The following ATP5PD variants were observed in gnomAD, a reference collection of about 807,000 sequenced individuals.
The protein encoded by ATP5PD is ATP synthase peripheral stalk subunit d.
In ATP5PD, 13 loss-of-function variants were observed where a neutral mutation model predicts 22.6. The observed-to-expected ratio is 0.58, with a 90% CI of 0.37 to 0.91. The LOEUF is 0.91. Among genes scored for constraint, ATP5PD ranks in the 40% least tolerant of loss-of-function variants. ATP5PD has a pLI of 0.00. For missense variants in ATP5PD, 165 were observed against 188.0 expected, an observed-to-expected ratio of 0.88 and a Z score of 0.72; for synonymous variants, 51 against 65.0, an observed-to-expected ratio of 0.79 and a Z score of 1.03.
At chr17:75,040,226 C>G in intron 3 of ATP5PD, 63 bp from the exon 4 acceptor site, 1 of 1,598,650 alleles carries the variant, frequency 6.3e-7, no homozygotes, top group Non-Finnish European at 8.6e-7. Flanking sequence ...GACAGTGAGT[C>G]GTCGCCAATA....
Position 75,042,656 on chromosome 17 carries a change from G to A in ATP5PD, c.-6C>T. On this transcript the variant is annotated 5_prime_UTR_variant, in exon 2 of 6. Coordinates refer to ENST00000301587, the MANE Select transcript of ATP5PD (RefSeq NM_006356.3). ...GCAAGTTTTCGCCCAGCCATTTTGG[G>A]ATCCTGAAAAATAAGTCAAATAAAA... 1 of 1,591,946 alleles carries A rather than the reference G, an allele frequency of 6.3e-7. No homozygotes were observed. Among genetic ancestry groups the A allele is most frequent in the Non-Finnish European group, 8.5e-7 (1 of 1,174,542 alleles).
At chr17:75,042,435 T>TA in intron 2 of ATP5PD, 94 bp downstream of exon 2, 1 of 1,544,140 alleles carries the variant, frequency 6.5e-7, no homozygotes, top group East Asian at 2.2e-5. Context: ...TATGTTGTCA[T>TA]AAGGGCATCA....
intron 1 of ATP5PD, among the ~76,000 whole-genome samples, chr17:75,043,032 G>A (rs1303571669): frequency 1.3e-5 from 2 of 151,176 alleles, no homozygotes; most frequent in Non-Finnish European, 2.9e-5. Flanking sequence ...GACCAGCATG[G>A]CCAACATGGC....
chr17:75,040,195 G>A (rs772094660), intron 3 of ATP5PD, 32 bp from the exon 4 acceptor site: 11 of 1,611,322 alleles, frequency 6.8e-6, no homozygotes, highest in African/African-American at 5.4e-5. Context: ...AACCTTCAGC[G>A]CATTAAACTA....
intron 3 of ATP5PD, chr17:75,040,412 A>C: frequency 2.1e-6 from 1 of 485,724 alleles, no homozygotes; most frequent in Admixed American, 3.8e-5. Flanking sequence ...AACCCTGGAC[A>C]ATTCTTTATG....
intron 3 of ATP5PD, 147 bp from the exon 4 acceptor site, chr17:75,040,310 G>A (rs556755023): frequency 2.2e-4 from 190 of 882,548 alleles, no homozygotes; most frequent in African/African-American, 1.1e-3. Flanking sequence ...TGTCCCAAGC[G>A]GAAACGAATA....
chr17:75,039,883 CAT>C, intron 4 of ATP5PD: 1 of 595,548 alleles, frequency 1.7e-6, no homozygotes. Context: ...AAGATGGAAT[CAT>C]ATGCTATACT....
At chr17:75,041,805 G>A (rs1163212636) in intron 3 of ATP5PD, 1 of 165,044 alleles carries the variant, frequency 6.1e-6, no homozygotes, top group Non-Finnish European at 1.3e-5. Context: ...GTTCTGGGCT[G>A]TAGCGCGTTA....
At chr17:75,042,037 G>A (rs10512598) in intron 3 of ATP5PD, 144 bp downstream of exon 3, 65,314 of 651,438 alleles carry the variant, frequency 0.1, 8,583 homozygotes, top group East Asian at 0.6. Context: ...CAGTTCAATC[G>A]ACCACAAGGC....
chr17:75,042,166 G>A lies in ATP5PD; in HGVS notation c.219+15C>T, dbSNP rs2073167796. 1 of 1,608,918 alleles carries A rather than the reference G, an allele frequency of 6.2e-7. No individual in the cohort carries two copies. Among genetic ancestry groups the A allele is most frequent in the Non-Finnish European group, 8.5e-7 (1 of 1,175,830 alleles). On this transcript the variant is annotated intron_variant, in intron 3 of 5. Coordinates refer to ENST00000301587, the MANE Select transcript of ATP5PD (RefSeq NM_006356.3). ...CATGTTACAAGCTCAGTGCTTTAGA[G>A]GTGTGAAGTCTCACCTTCTTCTCAA...
rs139761287 is a variant in ATP5PD at position 75,042,537 on chromosome 17, G to A, written c.114C>T (p.Leu38=). 6.8e-6 allele frequency: 11 copies of A among 1,611,958 alleles called. No individual in the cohort carries two copies. In the African/African-American group the frequency reaches 1.2e-4, roughly 18 times the overall value. Residue 38 remains leucine (L), a synonymous_variant, in exon 2 of 6, where the codon CTC becomes CTT. Transcript: ENST00000301587. Reference sequence around the variant, plus strand: ...CTCAGAAACATACTGACCTGGAGGTGAGGGTCTCATTCCAGGATTTCAGGG... The same window carrying A: ...CTCAGAAACATACTGACCTGGAGGTAAGGGTCTCATTCCAGGATTTCAGGG... The part of the protein sequence containing the change: ...ASSLKSWNET[L]TSRLAALPEN...
chr17:75,045,057 G>T (rs115540755), intron 1 of ATP5PD, among the ~76,000 whole-genome samples: 3,204 of 152,190 alleles, frequency 0.021, 113 homozygotes, highest in African/African-American at 0.073. Context: ...CCTAAGCGTC[G>T]ACTGGCTTGA....
chr17:75,039,105 C>G, intron 5 of ATP5PD, 42 bp from the exon 6 acceptor site: 1 of 1,612,314 alleles, frequency 6.2e-7, no homozygotes, highest in Non-Finnish European at 8.5e-7. Context: ...TAAACAGAGA[C>G]GGAAAGCAGA....
Position 75,039,345 on chromosome 17 carries a change from G to A in ATP5PD, c.292-74C>T, listed in dbSNP as rs371294671. The stretch of plus-strand genomic sequence containing the variant: ...CCCAGCAGCTGCTAAGGTAGGAGTC[G>A]TCCCAGCCCACTCCTGCTGTCCTAT... On this transcript the variant is annotated intron_variant, in intron 4 of 5. Coordinates refer to ENST00000301587, the MANE Select transcript of ATP5PD (RefSeq NM_006356.3). 8.3e-5 allele frequency: 112 copies of A among 1,357,230 alleles called. No individual in the cohort carries two copies. The African/African-American group carries it at 8.3e-4, about 10-fold the overall frequency. The allele number at this position is 1,357,230 out of a possible 1,614,324, so 84.1% of individuals were successfully genotyped here.
In ATP5PD at chr17:75,042,515, A is replaced by G. The variant is rs139430113; in HGVS notation, c.122+14T>C. 1.6e-4 allele frequency: 259 copies of G among 1,602,284 alleles called. 2 individuals carry two copies. In the East Asian group the frequency reaches 5.7e-3, roughly 35 times the overall value. On this transcript the variant is annotated intron_variant, in intron 2 of 5. Coordinates refer to ENST00000301587, the MANE Select transcript of ATP5PD (RefSeq NM_006356.3). ...AGTGGCAAGTATGGGGTTCCCTCTC[A>G]GAAACATACTGACCTGGAGGTGAGG...
At chr17:75,040,405 C>T (rs558965430) in intron 3 of ATP5PD, 1 of 505,732 alleles carries the variant, frequency 2.0e-6, no homozygotes, top group African/African-American at 2.0e-5. Flanking sequence ...AACTCGGAAC[C>T]CTGGACAATT....
chr17:75,045,399 T>G (rs1322779130), intron 1 of ATP5PD, among the ~76,000 whole-genome samples: 1 of 152,206 alleles, frequency 6.6e-6, no homozygotes, highest in East Asian at 1.9e-4. Flanking sequence ...TGACCAAAAT[T>G]TATTAGGTGG....
Position 75,039,267 on chromosome 17 carries a change from T to A in ATP5PD, c.296A>T (p.Lys99Ile), listed in dbSNP as rs763699483. 1 of 1,614,110 alleles carries A rather than the reference T, an allele frequency of 6.2e-7. No individual in the cohort carries two copies. Among genetic ancestry groups the A allele is most frequent in the East Asian group, 2.2e-5 (1 of 44,888 alleles). Residue 99 changes from lysine to isoleucine, a missense_variant, in exon 5 of 6, where the codon AAA (lysine) becomes ATA (isoleucine). By Grantham distance (102) the Lys-to-Ile change is moderately radical. Transcript: ENST00000301587. ...QVDAEEKEDVKSCAEWVSLSK... is the reference protein window; with the variant it reads ...QVDAEEKEDVISCAEWVSLSK... The stretch of plus-strand genomic sequence containing the variant: ...GAGAGACACCCACTCAGCACAAGAT[T>A]TCACCTTTAAGAAGAAAGAGAAATT...
At chr17:75,041,815 A>T in intron 3 of ATP5PD, 1 of 171,850 alleles carries the variant, frequency 5.8e-6, no homozygotes, top group Non-Finnish European at 1.2e-5. Flanking sequence ...GTAGCGCGTT[A>T]TGCCGATCGG....
Sources: allele counts gnomAD v4.1 joint callset (sites outside exome capture counted in the v4.1 genomes callset), GRCh38; gene constraint gnomAD v4.1.1; transcripts MANE v1.5; gene names NCBI Gene and HGNC (gene_info 2026-07-23, HGNC 2026-07-21).